The following CMIP variants were observed in gnomAD, a reference collection of about 807,000 sequenced individuals.
The protein encoded by CMIP is C-Maf-inducing protein.
In CMIP, 13 loss-of-function variants were observed where a neutral mutation model predicts 97.3. The ratio of observed to expected loss-of-function variants is 0.13; its 90% CI spans 0.09 to 0.21. The LOEUF is 0.21. Ranked by LOEUF, CMIP falls within the 10% of genes least tolerant of loss-of-function variation. The pLI, the probability that CMIP is intolerant of heterozygous loss-of-function variation, is 1.00. For synonymous variants in CMIP, 538 were observed against 436.3 expected (o/e 1.23, Z -2.91); for missense variants, 847 against 1,024.9 (o/e 0.83, Z 2.37).
rs1422820406 is a variant in CMIP, at chr16:81,550,974, CCCA to C, written c.301-56592_301-56590del. 2.5e-3 allele frequency among the ~76,000 whole-genome samples: 371 copies of C among 148,888 alleles called. 3 individuals are homozygous for C. Among genetic ancestry groups the C allele is most frequent in the African/African-American group, 8.8e-3 (352 of 40,000 alleles). On this transcript the variant is annotated intron_variant, in intron 1 of 20. Transcript: ENST00000537098. ...CACACCCCAGTCCCGTCACACGCAC[CCCA>C]GTCCCGTCACACGCACCCCAGTCCC...
chr16:81,474,323 C>G (rs1907749627), intron 1 of CMIP, among the ~76,000 whole-genome samples: 1 of 152,114 alleles, frequency 6.6e-6, no homozygotes, highest in Non-Finnish European at 1.5e-5. Flanking sequence ...CTCCATTCTT[C>G]TCTTTCCCCC....
chr16:81,447,591 G>T (rs1597439555), intron 1 of CMIP, among the ~76,000 whole-genome samples: 1 of 152,350 alleles, frequency 6.6e-6, no homozygotes, highest in Admixed American at 6.5e-5. Context: ...TAGTACTGGG[G>T]ACTGAGGCTT....
chr16:81,641,744 T>G (rs1230366887), intron 3 of CMIP, among the ~76,000 whole-genome samples: 2 of 152,194 alleles, frequency 1.3e-5, no homozygotes, highest in African/African-American at 2.4e-5. Context: ...TTCAGGCAGG[T>G]GTCCACTGGG....
chr16:81,598,010 G>T (rs1245279363), intron 1 of CMIP, among the ~76,000 whole-genome samples: 1 of 152,056 alleles, frequency 6.6e-6, no homozygotes, highest in Admixed American at 6.5e-5. Flanking sequence ...TATCCAGGGA[G>T]GGGACTGGAG....
intron 1 of CMIP, among the ~76,000 whole-genome samples, chr16:81,515,954 C>T (rs1380408592): frequency 6.6e-6 from 1 of 152,230 alleles, no homozygotes; most frequent in Non-Finnish European, 1.5e-5. Context: ...CTGGACGGAC[C>T]CTATGGCCTG....
chr16:81,528,887 C>G (rs2090180591), intron 1 of CMIP, among the ~76,000 whole-genome samples: 1 of 152,026 alleles, frequency 6.6e-6, no homozygotes, highest in Non-Finnish European at 1.5e-5. Context: ...AGGCACTCAC[C>G]CATGCTCCCT....
chr16:81,518,008 A>G, intron 1 of CMIP: 1 of 526,284 alleles, frequency 1.9e-6, no homozygotes, highest in Non-Finnish European at 2.4e-6. Flanking sequence ...GTCCCTTTGC[A>G]CTTCTCATGC....
chr16:81,448,818 C>T (rs534736923), intron 1 of CMIP, among the ~76,000 whole-genome samples: 36 of 152,356 alleles, frequency 2.4e-4, no homozygotes, highest in African/African-American at 8.2e-4. Context: ...CCCAGGACTG[C>T]ACCTTTGTGG....
At chr16:81,466,812 T>C (rs1405126904) in intron 1 of CMIP, among the ~76,000 whole-genome samples, 1 of 152,214 alleles carries the variant, frequency 6.6e-6, no homozygotes, top group Non-Finnish European at 1.5e-5. Context: ...GCCTCCTCCC[T>C]GGGAACTAGG....
chr16:81,547,014 G>A (rs1278095954), intron 1 of CMIP, among the ~76,000 whole-genome samples: 1 of 152,100 alleles, frequency 6.6e-6, no homozygotes, highest in Admixed American at 6.5e-5. Flanking sequence ...ACAGCCTTGC[G>A]GTATTAAAGA....
rs576492583 is a variant in CMIP at position 81,682,698 on chromosome 16, A to G, written c.1388+4070A>G. On this transcript the variant is annotated intron_variant, in intron 10 of 20. Transcript: ENST00000537098. ...GAGGGCAGTGCAGGTCGCAGGGTGC[A>G]CAGGTCAGTGTTTCCCGCTCCACTG... 2.7e-4 allele frequency among the ~76,000 whole-genome samples: 41 copies of G among 152,364 alleles called. No homozygotes were observed. The South Asian group carries it at 4.6e-3, about 17-fold the overall frequency.
chr16:81,618,572 A>G (rs1242598530), intron 2 of CMIP: 1 of 152,308 alleles, frequency 6.6e-6, no homozygotes, highest in Non-Finnish European at 1.5e-5. Context: ...TGGACCAGGC[A>G]TGCCCTGGAG....
At chr16:81,639,851 A>C (rs1006891956) in intron 3 of CMIP, among the ~76,000 whole-genome samples, 1 of 152,106 alleles carries the variant, frequency 6.6e-6, no homozygotes, top group Non-Finnish European at 1.5e-5. Flanking sequence ...GGGTGGTTTT[A>C]ATGTGTAGCC....
chr16:81,650,321 A>T (rs2092413070), intron 3 of CMIP, among the ~76,000 whole-genome samples: 1 of 152,144 alleles, frequency 6.6e-6, no homozygotes, highest in Non-Finnish European at 1.5e-5. Flanking sequence ...ATCTCTTTCT[A>T]ATTCTTGATG....
At chr16:81,670,093 C>A (rs943075601) in intron 7 of CMIP, 49 bp from the exon 8 acceptor site, 1 of 1,553,438 alleles carries the variant, frequency 6.4e-7, no homozygotes, top group East Asian at 2.4e-5. Context: ...CCCTGGGCTC[C>A]TGCCCTGCCT....
At chr16:81,612,747 C>G (rs1442465917) in intron 2 of CMIP, among the ~76,000 whole-genome samples, 1 of 152,200 alleles carries the variant, frequency 6.6e-6, no homozygotes, top group African/African-American at 2.4e-5. Context: ...CTGGAACCAG[C>G]TGCCCGCAGG....
chr16:81,523,151 C>T (rs188424049), intron 1 of CMIP, among the ~76,000 whole-genome samples: 18 of 152,298 alleles, frequency 1.2e-4, no homozygotes, highest in African/African-American at 4.1e-4. Context: ...AATTCCTGGG[C>T]TCAAGTGATC....
At chr16:81,456,407 C>G (rs1051068356) in intron 1 of CMIP, among the ~76,000 whole-genome samples, 1 of 152,220 alleles carries the variant, frequency 6.6e-6, no homozygotes, top group African/African-American at 2.4e-5. Flanking sequence ...AGCCAGTGGC[C>G]TCCAGATGTC....
chr16:81,684,339 T>C (rs956221042), intron 10 of CMIP, among the ~76,000 whole-genome samples: 1 of 152,246 alleles, frequency 6.6e-6, no homozygotes, highest in Admixed American at 6.5e-5. Flanking sequence ...AGCAAAGTGG[T>C]CTGAATGTGC....
Sources: allele counts gnomAD v4.1 joint callset (sites outside exome capture counted in the v4.1 genomes callset), GRCh38; gene constraint gnomAD v4.1.1; transcripts MANE v1.5; gene names NCBI Gene and HGNC (gene_info 2026-07-23, HGNC 2026-07-21).